Variants in PIWIL1 observed in about 807,000 individuals in gnomAD.
The protein encoded by PIWIL1 is piwi-like protein 1.
A neutral mutation model predicts 114.4 loss-of-function variants in PIWIL1; 73 were observed. The observed-to-expected ratio is 0.64, with a 90% CI of 0.53 to 0.78. PIWIL1 has a LOEUF of 0.78. Among genes scored for constraint, PIWIL1 ranks in the 30% least tolerant of loss-of-function variants. The pLI, the probability that PIWIL1 is intolerant of heterozygous loss-of-function variation, is 0.00. For missense variants in PIWIL1, 723 were observed against 1,063.1 expected, an observed-to-expected ratio of 0.68 and a Z score of 4.45; for synonymous variants, 375 against 369.0, an observed-to-expected ratio of 1.02 and a Z score of -0.19.
the PIWIL1 span, chr12:130,422,544 G>A: frequency 6.2e-7 from 1 of 1,609,044 alleles, no homozygotes; most frequent in Non-Finnish European, 8.5e-7. The surrounding 1 kb of genome is among the most constrained non-coding windows in gnomAD (Gnocchi z 5.2). Context: ...GTCCTGCAGA[G>A]GCTGGGTTCC....
At chr12:130,371,432 GA>G (rs2073814231) in intron 20 of PIWIL1, 49 bp from the exon 21 acceptor site, 7 of 1,607,676 alleles carry the variant, frequency 4.4e-6, no homozygotes, top group Non-Finnish European at 6.0e-6. Context: ...ATTTGCAATT[GA>G]AAGAGGCTAA....
intron 1 of PIWIL1, among the ~76,000 whole-genome samples, chr12:130,340,453 C>G (rs1225495961): frequency 6.6e-6 from 1 of 151,848 alleles, no homozygotes; most frequent in Non-Finnish European, 1.5e-5. Context: ...AGCAGGCAGC[C>G]CAGACCCTTG....
At chr12:130,384,342 C>G in the PIWIL1 span, among the ~76,000 whole-genome samples, 1 of 152,148 alleles carries the variant, frequency 6.6e-6, no homozygotes. Flanking sequence ...TTCAGTTTTT[C>G]AGTTTGTCCA....
At chr12:130,346,736 C>T in intron 5 of PIWIL1, 152 bp downstream of exon 5, 1 of 865,778 alleles carries the variant, frequency 1.2e-6, no homozygotes, top group South Asian at 1.8e-5. Context: ...ATTATTGTAG[C>T]ATTGTCAGAT....
chr12:130,361,138 TC>T (rs1565951843), intron 14 of PIWIL1, 41 bp from the exon 15 acceptor site: 7 of 1,585,580 alleles, frequency 4.4e-6, no homozygotes, highest in Non-Finnish European at 6.1e-6. Context: ...CTCTTAATCA[TC>T]TGTCTCCTAA....
chr12:130,404,755 C>G, the PIWIL1 span, among the ~76,000 whole-genome samples: 1 of 152,020 alleles, frequency 6.6e-6, no homozygotes, highest in African/African-American at 2.4e-5. Context: ...AAATGTACAT[C>G]TAAACAAAAA....
chr12:130,351,529 T>C (rs925326621), intron 9 of PIWIL1: 4 of 152,236 alleles, frequency 2.6e-5, no homozygotes, highest in African/African-American at 9.6e-5. Flanking sequence ...GAATGTGTTC[T>C]GTCTTCTCAA....
intron 4 of PIWIL1, 37 bp downstream of exon 4, chr12:130,345,915 C>T: frequency 1.2e-6 from 2 of 1,608,278 alleles, no homozygotes; most frequent in Non-Finnish European, 1.7e-6. Flanking sequence ...GAGATTACAT[C>T]TCAGGAACAC....
At chr12:130,375,401 ACAC>A (rs908257521), downstream of PIWIL1, among the ~76,000 whole-genome samples, 6 of 152,006 alleles carry the variant, frequency 3.9e-5, no homozygotes, top group African/African-American at 7.2e-5. Context: ...TTGTCTCCTT[ACAC>A]CACCACCACC....
At chr12:130,344,445 A>AGACGTGATATTGAAAACTTCT (rs2073013509) in intron 3 of PIWIL1, among the ~76,000 whole-genome samples, 1 of 151,944 alleles carries the variant, frequency 6.6e-6, no homozygotes, top group African/African-American at 2.4e-5. Context: ...AAAGTGCTTT[A>AGACGTGATATTGAAAACTTCT]GACGTGATAT....
the PIWIL1 span, among the ~76,000 whole-genome samples, chr12:130,382,257 C>T: frequency 6.6e-6 from 1 of 152,212 alleles, no homozygotes; most frequent in Non-Finnish European, 1.5e-5. Context: ...TGGTCACTTC[C>T]CATGTGGACC....
chr12:130,424,521 G>T, the PIWIL1 span: 13 of 1,231,872 alleles, frequency 1.1e-5, no homozygotes, highest in Non-Finnish European at 1.3e-5. The surrounding 1 kb of genome is among the most constrained non-coding windows in gnomAD (Gnocchi z 9.8). Flanking sequence ...GCCGCTGTCC[G>T]GGCTCCGGGT....
chr12:130,346,564 C>CT lies in PIWIL1; in HGVS notation c.511_512insT (p.Pro171LeufsTer2). 6.2e-7 allele frequency: 1 copy of CT among 1,613,280 alleles called. No individual in the cohort carries two copies. Among genetic ancestry groups the CT allele is most frequent in the South Asian group, 1.1e-5 (1 of 91,054 alleles). On this transcript the variant is annotated frameshift_variant, in exon 5 of 21. Coordinates refer to ENST00000245255, the MANE Select transcript of PIWIL1 (RefSeq NM_004764.5). LOFTEE classifies it high-confidence loss of function. ...TTTTGATGGAACGATATTATTTTTA[C>CT]CTAAAAGACTACAGCAAAAGGTTAT...
the PIWIL1 span, among the ~76,000 whole-genome samples, chr12:130,391,640 G>T: frequency 6.6e-6 from 1 of 152,162 alleles, no homozygotes; most frequent in Non-Finnish European, 1.5e-5. Flanking sequence ...ATGGTCACGA[G>T]GCTGGAGGCA....
chr12:130,421,426 T>C, the PIWIL1 span, among the ~76,000 whole-genome samples: 9 of 152,256 alleles, frequency 5.9e-5, no homozygotes, highest in African/African-American at 2.2e-4. Context: ...AATTTTTTTC[T>C]TATTGTTTGA....
intron 7 of PIWIL1, among the ~76,000 whole-genome samples, chr12:130,348,737 C>T (rs1214491418): frequency 3.3e-5 from 5 of 152,096 alleles, no homozygotes; most frequent in African/African-American, 1.2e-4. Context: ...CCCGTCTCTA[C>T]TAAAAATACA....
At chr12:130,340,583 G>C (rs1297325219) in intron 1 of PIWIL1, among the ~76,000 whole-genome samples, 1 of 139,564 alleles carries the variant, frequency 7.2e-6, no homozygotes, top group African/African-American at 2.6e-5. Flanking sequence ...CTGCTGTGTG[G>C]CCTGGTTCCG....
intron 18 of PIWIL1, among the ~76,000 whole-genome samples, chr12:130,365,448 A>G (rs10848088): frequency 0.7 from 106,301 of 152,150 alleles, 38,212 homozygotes; most frequent in African/African-American, 0.84. Context: ...CAAGTTGTAC[A>G]TAAAGGTAAA....
chr12:130,422,439 A>G, the PIWIL1 span: 1 of 1,574,776 alleles, frequency 6.4e-7, no homozygotes, highest in Non-Finnish European at 8.7e-7. This position sits in a 1 kb window ranked among gnomAD's most constrained non-coding sequence, Gnocchi z 5.2. Flanking sequence ...AACAGCGATG[A>G]TGGGGCCACT....
Sources: allele counts gnomAD v4.1 joint callset (sites outside exome capture counted in the v4.1 genomes callset), GRCh38; gene constraint gnomAD v4.1.1; non-coding constraint Gnocchi (gnomAD v3.1); transcripts MANE v1.5; gene names NCBI Gene and HGNC (gene_info 2026-07-23, HGNC 2026-07-21).